KIF26B: variants seen among roughly 807,000 people sequenced by gnomAD.
The protein encoded by KIF26B is kinesin family member 26B.
A neutral mutation model predicts 151.2 loss-of-function variants in KIF26B; 63 were observed. That is an observed-to-expected ratio of 0.42 (90% CI 0.34 to 0.51). KIF26B has a LOEUF of 0.51. Among genes scored for constraint, KIF26B ranks in the 20% least tolerant of loss-of-function variants. The pLI is 0.07. For synonymous variants in KIF26B, 1,357 were observed against 1,262.1 expected (o/e 1.08, Z -1.59); for missense variants, 2,813 against 2,913.6 (o/e 0.97, Z 0.79).
chr1:245,468,214 G>A (rs1449269774), intron 4 of KIF26B, among the ~76,000 whole-genome samples: 1 of 152,108 alleles, frequency 6.6e-6, no homozygotes, highest in Non-Finnish European at 1.5e-5. Context: ...TCTTCCATAA[G>A]AACCCATTCT....
intron 2 of KIF26B, among the ~76,000 whole-genome samples, chr1:245,203,255 A>AAAAAAGAAAG (rs61541280): frequency 7.7e-6 from 1 of 129,746 alleles, no homozygotes; most frequent in African/African-American, 3.0e-5. Context: ...TCAAAAAAAA[A>AAAAAAGAAAG]AAAAGAAAAT....
chr1:245,260,053 G>A (rs1223450351), intron 2 of KIF26B, among the ~76,000 whole-genome samples: 2 of 152,008 alleles, frequency 1.3e-5, no homozygotes, highest in Non-Finnish European at 2.9e-5. Flanking sequence ...GAGGTGAAAG[G>A]ATGTACCTCC....
Position 245,646,248 on chromosome 1 carries a change from T to A in KIF26B, c.2226T>A (p.Ala742=). Residue 742 remains alanine (A), a synonymous_variant, in exon 10 of 15, where the codon GCT becomes GCA. Transcript: ENST00000407071. ...CTGCTCTGGGCAATGTCATCCTGGC[T>A]CTCGTCAATGGCAGCAAACACATTC... ...SLSALGNVIL[A]LVNGSKHIPY... is the part of the protein sequence containing the mutation. The A allele has an allele frequency of 1.2e-6, 2 of 1,613,912 alleles. No homozygotes were observed. Among genetic ancestry groups the A allele is most frequent in the African/African-American group, 2.7e-5 (2 of 75,016 alleles).
At chr1:245,586,606 G>A (rs954152757) in intron 5 of KIF26B, among the ~76,000 whole-genome samples, 22 of 152,126 alleles carry the variant, frequency 1.4e-4, no homozygotes, top group African/African-American at 5.1e-4. Flanking sequence ...CAAACAGGCC[G>A]GGCGCGGTGG....
intron 4 of KIF26B, among the ~76,000 whole-genome samples, chr1:245,504,890 T>C (rs1395129617): frequency 6.6e-6 from 1 of 152,170 alleles, no homozygotes; most frequent in Non-Finnish European, 1.5e-5. Flanking sequence ...TAATTTCCTA[T>C]GGAATGACAA....
At chr1:245,350,586 C>G (rs1171231315) in intron 2 of KIF26B, among the ~76,000 whole-genome samples, 2 of 150,542 alleles carry the variant, frequency 1.3e-5, no homozygotes, top group Non-Finnish European at 2.9e-5. Flanking sequence ...TACCATATGA[C>G]CTGGGACCAT....
chr1:245,504,391 C>T (rs144705420), intron 4 of KIF26B, among the ~76,000 whole-genome samples: 47 of 143,392 alleles, frequency 3.3e-4, no homozygotes, highest in South Asian at 1.5e-3. Flanking sequence ...TCCCTCCTTC[C>T]CTCCTTCCCT....
chr1:245,192,195 A>G (rs1042856298), intron 2 of KIF26B, among the ~76,000 whole-genome samples: 2 of 152,202 alleles, frequency 1.3e-5, no homozygotes, highest in African/African-American at 4.8e-5. Flanking sequence ...TATTTGATCA[A>G]ATGCTGTGTG....
chr1:245,253,902 C>A (rs1165632316), intron 2 of KIF26B, among the ~76,000 whole-genome samples: 1 of 150,050 alleles, frequency 6.7e-6, no homozygotes, highest in African/African-American at 2.5e-5. Context: ...CTCCACCTCC[C>A]GGGTTCACGC....
chr1:245,205,914 T>G (rs1427163561), intron 2 of KIF26B, among the ~76,000 whole-genome samples: 1 of 150,606 alleles, frequency 6.6e-6, no homozygotes, highest in African/African-American at 2.4e-5. Flanking sequence ...AAAAAACTTT[T>G]TTTTAAAGAG....
intron 2 of KIF26B, among the ~76,000 whole-genome samples, chr1:245,276,815 C>G (rs1468870216): frequency 1.3e-5 from 2 of 152,168 alleles, no homozygotes; most frequent in African/African-American, 4.8e-5. Flanking sequence ...GAATTGCTGT[C>G]TCTGTAGGGA....
chr1:245,278,910 C>A (rs1210607699), intron 2 of KIF26B, among the ~76,000 whole-genome samples: 2 of 152,156 alleles, frequency 1.3e-5, no homozygotes, highest in African/African-American at 4.8e-5. Flanking sequence ...GGACTTGCCC[C>A]CATGCAGGAG....
intron 2 of KIF26B, among the ~76,000 whole-genome samples, chr1:245,308,175 C>A (rs1160392822): frequency 1.3e-5 from 2 of 152,110 alleles, no homozygotes; most frequent in Non-Finnish European, 2.9e-5. Context: ...GAAGTATAGA[C>A]CCCAAAGACC....
At chr1:245,468,626 A>G (rs1659844342) in intron 4 of KIF26B, among the ~76,000 whole-genome samples, 1 of 152,334 alleles carries the variant, frequency 6.6e-6, no homozygotes, top group African/African-American at 2.4e-5. Flanking sequence ...GCTGTTAGCC[A>G]AAAGAGGGAA....
In KIF26B at chr1:245,685,752, C is replaced by T. The variant is rs1558269940; in HGVS notation, c.2769C>T (p.Cys923=). 1 of 1,612,576 alleles carries T rather than the reference C, an allele frequency of 6.2e-7. No homozygotes were observed. The highest frequency in any genetic ancestry group is 8.5e-7 in the Non-Finnish European group (1 of 1,179,608). Residue 923 remains cysteine (C), a synonymous_variant, in exon 12 of 15, where the codon TGC becomes TGT. Transcript: ENST00000407071. ...AGTCAGAAAGGGACTGCCTGAAGTG[C>T]AACACGTTTGCCGAGCTGCAGGAGA... is the stretch of plus-strand genomic sequence containing the variant. ...AGKSERDCLK[C]NTFAELQERL... is the part of the protein sequence containing the mutation.
intron 9 of KIF26B, among the ~76,000 whole-genome samples, chr1:245,617,556 C>A (rs903386007): frequency 1.3e-5 from 2 of 152,178 alleles, no homozygotes; most frequent in Non-Finnish European, 2.9e-5. Context: ...TCTAATGGAG[C>A]CACAGCCAGT....
rs763026009 is a variant in KIF26B, at chr1:245,607,759, C to T, written c.1651+15C>T. ...CGCCAAACTGGGTTCGTGAGAGTTT[C>T]ACTTTCTCATGCGGCTCGTTGAGCT... On this transcript the variant is annotated intron_variant, in intron 7 of 14. Transcript: ENST00000407071. 10 of 1,601,540 alleles carry T rather than the reference C, an allele frequency of 6.2e-6. No homozygotes were observed. The highest frequency in any genetic ancestry group is 7.7e-6 in the Non-Finnish European group (9 of 1,171,976).
chr1:245,530,786 A>T (rs1661341794), intron 4 of KIF26B, among the ~76,000 whole-genome samples: 1 of 151,866 alleles, frequency 6.6e-6, no homozygotes, highest in South Asian at 2.1e-4. Flanking sequence ...GATGCTTCTC[A>T]TCTGTGCAAT....
chr1:245,549,599 TA>T, intron 5 of KIF26B, among the ~76,000 whole-genome samples: 1 of 152,266 alleles, frequency 6.6e-6, no homozygotes, highest in African/African-American at 2.4e-5. Flanking sequence ...TATTTTATGT[TA>T]AAAAAATGGT....
Sources: allele counts gnomAD v4.1 joint callset (sites outside exome capture counted in the v4.1 genomes callset), GRCh38; gene constraint gnomAD v4.1.1; transcripts MANE v1.5; gene names NCBI Gene and HGNC (gene_info 2026-07-23, HGNC 2026-07-21).